The following DNM3 variants were observed in gnomAD, a reference collection of about 807,000 sequenced individuals.
DNM3 encodes dynamin-3.
DNM3 carries 47 observed loss-of-function variants against 101.6 expected under a neutral mutation model. The observed-to-expected ratio is 0.46, with a 90% CI of 0.37 to 0.59. The LOEUF (loss-of-function observed/expected upper bound fraction) is 0.59, where lower values mean the gene tolerates loss of function less well. DNM3 is among the 20% of genes least tolerant of loss of function. The pLI, the probability that DNM3 is intolerant of heterozygous loss-of-function variation, is 0.00. For synonymous variants in DNM3, 385 were observed against 387.9 expected (o/e 0.99, Z 0.09); for missense variants, 849 against 1,085.7 (o/e 0.78, Z 3.06).
intron 17 of DNM3, among the ~76,000 whole-genome samples, chr1:172,359,226 T>C (rs1294837185): frequency 6.6e-6 from 1 of 151,926 alleles, no homozygotes. Context: ...CTGTTGTTTT[T>C]GGCTTGAGGC....
intron 14 of DNM3, among the ~76,000 whole-genome samples, chr1:172,210,169 T>A (rs1472144556): frequency 2.0e-5 from 3 of 152,106 alleles, no homozygotes; most frequent in Non-Finnish European, 4.4e-5. Flanking sequence ...CAAAGTTCAC[T>A]TTTTTAAATC....
rs902744588 is a variant in DNM3 at position 172,151,279 on chromosome 1, G to A, written c.1659+19991G>A. ...AGTCTTTTTAATTGTTTTAACTTTTGCCTGTCAGAGCTTCATAGCAATAGT... is the reference window on the plus strand; with the variant it reads ...AGTCTTTTTAATTGTTTTAACTTTTACCTGTCAGAGCTTCATAGCAATAGT... On this transcript the variant is annotated intron_variant, in intron 14 of 20. Transcript: ENST00000627582. Among the ~76,000 whole-genome samples the A allele has an allele frequency of 3.9e-5, 6 of 151,964 alleles. No individual in the cohort carries two copies. The East Asian group carries it at 1.2e-3, about 29-fold the overall frequency.
chr1:172,356,240 T>A (rs2067447225), intron 17 of DNM3, among the ~76,000 whole-genome samples: 1 of 152,032 alleles, frequency 6.6e-6, no homozygotes, highest in Non-Finnish European at 1.5e-5. Context: ...GACAAAGAAG[T>A]GGGTAAACAT....
At chr1:172,228,840 T>G (rs1009576672) in intron 14 of DNM3, among the ~76,000 whole-genome samples, 1 of 152,156 alleles carries the variant, frequency 6.6e-6, no homozygotes, top group Non-Finnish European at 1.5e-5. Context: ...TACCCTACGT[T>G]CATTTAATGG....
At chr1:172,076,521 A>G (rs555020633) in intron 11 of DNM3, among the ~76,000 whole-genome samples, 147 of 152,328 alleles carry the variant, frequency 9.7e-4, no homozygotes, top group Non-Finnish European at 1.8e-3. Flanking sequence ...AGTTTTTAGC[A>G]TGAAGGGATG....
intron 10 of DNM3, among the ~76,000 whole-genome samples, chr1:172,058,847 T>C (rs371922242): frequency 6.7e-5 from 10 of 149,700 alleles, no homozygotes; most frequent in African/African-American, 2.2e-4. Flanking sequence ...ACTAAAATCA[T>C]AGCAGAACTG....
intron 2 of DNM3, among the ~76,000 whole-genome samples, chr1:171,955,961 A>G (rs1214499107): frequency 4.6e-5 from 7 of 152,152 alleles, no homozygotes; most frequent in African/African-American, 9.7e-5. Flanking sequence ...CTTCTTCACT[A>G]TCACGAGAAC....
chr1:172,339,453 T>C (rs1322922552), intron 17 of DNM3, among the ~76,000 whole-genome samples: 1 of 152,244 alleles, frequency 6.6e-6, no homozygotes, highest in Non-Finnish European at 1.5e-5. Context: ...GTCAGTCACC[T>C]GTTTGGGAAC....
chr1:172,217,894 G>A (rs1365989527), intron 14 of DNM3, among the ~76,000 whole-genome samples: 1 of 152,040 alleles, frequency 6.6e-6, no homozygotes, highest in African/African-American at 2.4e-5. Context: ...AACTAGAATG[G>A]TTAACAGCTG....
chr1:172,091,728 G>A (rs1366732663), intron 12 of DNM3, among the ~76,000 whole-genome samples: 1 of 152,156 alleles, frequency 6.6e-6, no homozygotes. Context: ...ATGGAATGGT[G>A]TTGATGCAGT....
intron 15 of DNM3, among the ~76,000 whole-genome samples, chr1:172,280,547 T>C (rs749553384): frequency 1.3e-5 from 2 of 152,192 alleles, no homozygotes; most frequent in African/African-American, 2.4e-5. Context: ...TCTCTCAGTT[T>C]TAAGCTTCAA....
chr1:172,355,498 A>T (rs1355611676), intron 17 of DNM3, among the ~76,000 whole-genome samples: 1 of 152,150 alleles, frequency 6.6e-6, no homozygotes, highest in East Asian at 1.9e-4. Context: ...GGTTCTACAC[A>T]GTGGTGTGCT....
intron 14 of DNM3, among the ~76,000 whole-genome samples, chr1:172,235,290 C>T (rs2061495240): frequency 6.6e-6 from 1 of 152,162 alleles, no homozygotes; most frequent in African/African-American, 2.4e-5. Context: ...ATCAAAACCA[C>T]AATGAGATAC....
intron 4 of DNM3, among the ~76,000 whole-genome samples, chr1:172,004,442 A>G (rs1254523119): frequency 6.6e-6 from 1 of 152,028 alleles, no homozygotes; most frequent in African/African-American, 2.4e-5. Context: ...GTCCTCATGC[A>G]CATTGCTGCT....
In DNM3 at chr1:172,253,530, CT is replaced by C. The variant is rs773236527; in HGVS notation, c.1660-42del. On this transcript the variant is annotated intron_variant, in intron 14 of 20. Transcript: ENST00000627582. Reference sequence around the variant, plus strand: ...CTCTCCTCTCCTCTCCTCTCCTCTCCTCTCCTCTCCTCTCCCTCTTTTCTTT... The same window carrying C: ...CTCTCCTCTCCTCTCCTCTCCTCTCCCTCCTCTCCTCTCCCTCTTTTCTTT... The C allele has an allele frequency of 2.6e-3, 3,200 of 1,232,864 alleles. 17 individuals carry two copies. The highest frequency in any genetic ancestry group is 3.0e-3 in the Non-Finnish European group (2,705 of 892,128). The allele number at this position is 1,232,864 out of a possible 1,614,324, so 76.4% of individuals were successfully genotyped here.
chr1:172,304,474 C>T (rs562870284), intron 15 of DNM3, among the ~76,000 whole-genome samples: 26 of 152,138 alleles, frequency 1.7e-4, no homozygotes, highest in African/African-American at 2.9e-4. Context: ...GACAGATCAA[C>T]GAGACAGAAG....
chr1:172,320,720 G>T (rs1204485159), intron 16 of DNM3, among the ~76,000 whole-genome samples: 1 of 152,134 alleles, frequency 6.6e-6, no homozygotes, highest in Non-Finnish European at 1.5e-5. Context: ...AGCAAGCCGA[G>T]TTATTTAAAG....
intron 10 of DNM3, among the ~76,000 whole-genome samples, chr1:172,051,286 C>G (rs1177772153): frequency 6.6e-6 from 1 of 152,094 alleles, no homozygotes; most frequent in African/African-American, 2.4e-5. Flanking sequence ...CCAGCTGTAC[C>G]TGTTCCTTAT....
chr1:171,892,202 A>G (rs1314508743), intron 1 of DNM3, among the ~76,000 whole-genome samples: 2 of 151,910 alleles, frequency 1.3e-5, no homozygotes, highest in Non-Finnish European at 2.9e-5. Flanking sequence ...TGTTTTGAAT[A>G]CTTCCTAATT....
Sources: gnomAD v4.1 joint callset for allele counts (sites outside exome capture counted in the v4.1 genomes callset) on GRCh38, gnomAD v4.1.1 for gene constraint, MANE v1.5 for transcripts, NCBI Gene and HGNC (gene_info 2026-07-23, HGNC 2026-07-21) for gene names.